Variants in MORF4L1 observed in about 807,000 individuals in gnomAD.
MORF4L1 encodes mortality factor 4-like protein 1.
A neutral mutation model predicts 52.9 loss-of-function variants in MORF4L1; 4 were observed. That is an observed-to-expected ratio of 0.08 (90% CI 0.04 to 0.17). MORF4L1 has a LOEUF of 0.17. Among genes scored for constraint, MORF4L1 ranks in the 10% least tolerant of loss-of-function variants. MORF4L1 has a pLI of 1.00. For missense variants in MORF4L1, 214 were observed against 390.4 expected, an observed-to-expected ratio of 0.55 and a Z score of 3.81; for synonymous variants, 123 against 134.8, an observed-to-expected ratio of 0.91 and a Z score of 0.61.
At chr15:78,896,604 G>A (rs955675896) in intron 11 of MORF4L1, among the ~76,000 whole-genome samples, 26 of 151,708 alleles carry the variant, frequency 1.7e-4, no homozygotes, top group African/African-American at 5.8e-4. Context: ...CACCACTCCC[G>A]GCTGATAACG....
At chr15:78,891,122 C>A in intron 6 of MORF4L1, 108 bp downstream of exon 6, 2 of 1,258,700 alleles carry the variant, frequency 1.6e-6, no homozygotes, top group Non-Finnish European at 2.2e-6. Context: ...TATTGATTAT[C>A]TCAAATAGGA....
intron 1 of MORF4L1, among the ~76,000 whole-genome samples, chr15:78,876,939 A>G (rs1413863883): frequency 6.6e-6 from 1 of 151,938 alleles, no homozygotes; most frequent in African/African-American, 2.4e-5. Context: ...AATATTTTAA[A>G]TTTTAGTGGT....
intron 8 of MORF4L1, 84 bp from the exon 9 acceptor site, chr15:78,893,455 T>G: frequency 1.1e-6 from 1 of 872,406 alleles, no homozygotes; most frequent in Non-Finnish European, 1.9e-6. Flanking sequence ...TACTGTTACC[T>G]GATCTTTGTA....
chr15:78,880,661 C>A, intron 3 of MORF4L1, 82 bp downstream of exon 3: 1 of 1,029,618 alleles, frequency 9.7e-7, no homozygotes, highest in Non-Finnish European at 1.4e-6. Flanking sequence ...ATATGCTTTT[C>A]AATTCTGCAG....
rs554446602 is a variant in MORF4L1 at position 78,873,603 on chromosome 15, A to G, written c.40+546A>G. ...AAGTGCGTTGTAAAATGGCCGTTGCAAGATGGCGGCGCCATCATGGCCGCC... is the reference window on the plus strand; with the variant it reads ...AAGTGCGTTGTAAAATGGCCGTTGCGAGATGGCGGCGCCATCATGGCCGCC... On this transcript the variant is annotated intron_variant, in intron 1 of 11. Transcript: ENST00000426013. 3.1e-5 allele frequency: 5 copies of G among 163,242 alleles called. No individual in the cohort carries two copies. In the South Asian group the frequency reaches 6.5e-4, roughly 21 times the overall value. The allele number at this position is 163,242 out of a possible 1,614,324, so 10.1% of individuals were successfully genotyped here.
chr15:78,895,758 G>T (rs977382605), intron 11 of MORF4L1, among the ~76,000 whole-genome samples: 2 of 152,022 alleles, frequency 1.3e-5, no homozygotes, highest in Non-Finnish European at 2.9e-5. Flanking sequence ...TGGAAGGGAG[G>T]GTGGGAGTTT....
rs370136498 is a variant in MORF4L1, at chr15:78,875,929, TTTTTG to T, written c.41-2269_41-2265del. Among the ~76,000 whole-genome samples the T allele has an allele frequency of 2.1e-3, 315 of 151,854 alleles. 2 individuals carry two copies. Among genetic ancestry groups the T allele is most frequent in the African/African-American group, 7.3e-3 (300 of 41,238 alleles). On this transcript the variant is annotated intron_variant, in intron 1 of 11. Coordinates refer to ENST00000426013, the MANE Select transcript of MORF4L1 (RefSeq NM_006791.4). ...GAAAAGAGTGGCGAGAAGTAGTGTT[TTTTTG>T]TTTTGTTTTGTTTTTTTCTTTTTGA...
At chr15:78,895,818 G>A (rs573630904) in intron 11 of MORF4L1, among the ~76,000 whole-genome samples, 203 of 152,132 alleles carry the variant, frequency 1.3e-3, no homozygotes, top group Non-Finnish European at 2.4e-3. Flanking sequence ...CATTACAATC[G>A]TTTTACAGTA....
At chr15:78,880,452 GA>G (rs2056580515) in intron 2 of MORF4L1, 59 bp from the exon 3 acceptor site, 2 of 1,247,408 alleles carry the variant, frequency 1.6e-6, no homozygotes, top group Non-Finnish European at 2.3e-6. Flanking sequence ...AGGATGATTT[GA>G]AAAGGTAGTG....
intron 5 of MORF4L1, among the ~76,000 whole-genome samples, chr15:78,889,972 T>TAGC (rs10686669): frequency 0.59 from 88,810 of 151,578 alleles, 27,985 homozygotes; most frequent in East Asian, 0.91. Flanking sequence ...ACGCCTGTAA[T>TAGC]AGCATTTTGG....
At chr15:78,873,353 G>A in intron 1 of MORF4L1, 2 of 738,316 alleles carry the variant, frequency 2.7e-6, no homozygotes, top group Non-Finnish European at 3.7e-6. Flanking sequence ...CGCGGAGAGA[G>A]CAGCCTATTG....
chr15:78,891,629 G>T, intron 7 of MORF4L1, 57 bp downstream of exon 7: 1 of 1,347,988 alleles, frequency 7.4e-7, no homozygotes, highest in South Asian at 1.2e-5. Flanking sequence ...TCAGTTACAT[G>T]ACATAACCAT....
At position 78,895,402 on chromosome 15, in the gene MORF4L1, AAAT is replaced by A. The variant is rs555004246; in HGVS notation, c.887+502_887+504del. Among the ~76,000 whole-genome samples, 45 of 152,356 alleles carry A rather than the reference AAAT, an allele frequency of 3.0e-4. 1 individual carries two copies. In the South Asian group the frequency reaches 8.3e-3, roughly 28 times the overall value. The stretch of plus-strand genomic sequence containing the variant: ...CAAAGGACCATTAAAAATATGTCAG[AAAT>A]AATGATGAAAGTATAAACTGTCAGT... On this transcript the variant is annotated intron_variant, in intron 11 of 11. Transcript: ENST00000426013.
At chr15:78,877,252 C>T (rs1254946307) in intron 1 of MORF4L1, among the ~76,000 whole-genome samples, 1 of 151,404 alleles carries the variant, frequency 6.6e-6, no homozygotes, top group Non-Finnish European at 1.5e-5. Context: ...TCCCGAATAG[C>T]TGGGATTACA....
intron 11 of MORF4L1, among the ~76,000 whole-genome samples, chr15:78,895,853 G>C (rs1355269770): frequency 6.6e-6 from 1 of 152,094 alleles, no homozygotes; most frequent in African/African-American, 2.4e-5. Context: ...ACGTGGACTT[G>C]AGAATGTAGG....
At chr15:78,874,403 ATGTT>A (rs1733486412) in intron 1 of MORF4L1, among the ~76,000 whole-genome samples, 1 of 151,942 alleles carries the variant, frequency 6.6e-6, no homozygotes. Flanking sequence ...TTTTGAGACG[ATGTT>A]TGTCACCCAG....
rs2056532951 is a variant in MORF4L1, at chr15:78,878,240, CTCT to C, written c.73_75del (p.Leu25del). On this transcript the variant is annotated inframe_deletion, in exon 2 of 12. Coordinates refer to ENST00000426013, the MANE Select transcript of MORF4L1 (RefSeq NM_006791.4). ...GAGCGAGTGCTGTGCTTTCATGGGCCTCTTCTTTATGAAGCAAAGGTATGAAAC... is the reference window on the plus strand; with the variant it reads ...GAGCGAGTGCTGTGCTTTCATGGGCCTCTTTATGAAGCAAAGGTATGAAAC... 6.2e-7 allele frequency: 1 copy of C among 1,611,894 alleles called. No individual in the cohort carries two copies. The highest frequency in any genetic ancestry group is 8.5e-7 in the Non-Finnish European group (1 of 1,179,522).
intron 1 of MORF4L1, among the ~76,000 whole-genome samples, chr15:78,876,240 A>G (rs2056488161): frequency 6.6e-6 from 1 of 151,930 alleles, no homozygotes; most frequent in Non-Finnish European, 1.5e-5. Flanking sequence ...CCGGCCGAGA[A>G]ATAGGGTTTT....
At chr15:78,895,749 G>A (rs902993776) in intron 11 of MORF4L1, among the ~76,000 whole-genome samples, 1 of 152,132 alleles carries the variant, frequency 6.6e-6, no homozygotes, top group Admixed American at 6.5e-5. Flanking sequence ...GCGTGGTGTT[G>A]GAAGGGAGGG....
Sources: allele counts gnomAD v4.1 joint callset (sites outside exome capture counted in the v4.1 genomes callset), GRCh38; gene constraint gnomAD v4.1.1; transcripts MANE v1.5; gene names NCBI Gene and HGNC (gene_info 2026-07-23, HGNC 2026-07-21).